VWA8: variants seen among roughly 807,000 people sequenced by gnomAD.
VWA8 encodes von Willebrand factor A domain-containing protein 8.
Under a neutral mutation model 241.5 loss-of-function variants are expected in VWA8, and 221 were observed. The ratio of observed to expected loss-of-function variants is 0.91; its 90% CI spans 0.82 to 1.02. The LOEUF (loss-of-function observed/expected upper bound fraction) is 1.02. VWA8 is among the 50% of genes least tolerant of loss of function. The pLI, the probability that VWA8 is intolerant of heterozygous loss-of-function variation, is 0.00. For synonymous variants in VWA8, 852 were observed against 827.1 expected, an observed-to-expected ratio of 1.03 and a Z score of -0.52; for missense variants, 2,322 against 2,328.7, an observed-to-expected ratio of 1.00 and a Z score of 0.06.
chr13:41,623,443 C>G (rs1224472979), intron 37 of VWA8, among the ~76,000 whole-genome samples: 1 of 152,144 alleles, frequency 6.6e-6, no homozygotes, highest in Non-Finnish European at 1.5e-5. Context: ...TTGGAGTCAA[C>G]TGCATGCAAA....
chr13:41,634,191 T>C (rs2044742736), intron 37 of VWA8, among the ~76,000 whole-genome samples: 1 of 152,178 alleles, frequency 6.6e-6, no homozygotes, highest in African/African-American at 2.4e-5. Context: ...CCCAGGGTCT[T>C]GGGCTGAGCT....
intron 2 of VWA8, among the ~76,000 whole-genome samples, chr13:41,947,941 AAAAAAAAAAAAACAAAAC>A (rs1381651968): frequency 6.8e-6 from 1 of 147,926 alleles, no homozygotes. Flanking sequence ...CAAAAAAAAA[AAAAAAAAAAAAACAAAAC>A]AAAACATTTT....
At chr13:41,755,733 T>C (rs1371478492) in intron 21 of VWA8, among the ~76,000 whole-genome samples, 4 of 151,872 alleles carry the variant, frequency 2.6e-5, no homozygotes, top group Non-Finnish European at 5.9e-5. Context: ...CATCTTCTTT[T>C]TGCCCAATGA....
In VWA8 at chr13:41,863,455, T is replaced by TCACA. The variant is rs150069827; in HGVS notation, c.1425+2277_1425+2280dup. Among the ~76,000 whole-genome samples the TCACA allele has an allele frequency of 3.1e-3, 273 of 86,998 alleles. 1 individual carries two copies. Among genetic ancestry groups the TCACA allele is most frequent in the Non-Finnish European group, 4.7e-3 (194 of 41,492 alleles). The allele number at this position is 86,998 out of a possible 152,430, so 57.1% of individuals were successfully genotyped here. ...TGTGTATATATATATATATATATATTCACACACACACACACACTATATATA... is the reference window on the plus strand; with the variant it reads ...TGTGTATATATATATATATATATATTCACACACACACACACACACACTATATATA... On this transcript the variant is annotated intron_variant, in intron 12 of 44. Transcript: ENST00000379310.
chr13:41,843,826 C>G (rs2138020180), intron 12 of VWA8, among the ~76,000 whole-genome samples: 1 of 152,168 alleles, frequency 6.6e-6, no homozygotes, highest in East Asian at 1.9e-4. Flanking sequence ...ATATCAAGTT[C>G]TGAAATTGAA....
At chr13:41,787,820 TA>T (rs1368459281) in intron 17 of VWA8, among the ~76,000 whole-genome samples, 3 of 152,136 alleles carry the variant, frequency 2.0e-5, no homozygotes, top group Non-Finnish European at 2.9e-5. Context: ...CTTTGCAAAA[TA>T]AAATTTAAAA....
chr13:41,926,993 T>C, intron 2 of VWA8: 1 of 460,364 alleles, frequency 2.2e-6, no homozygotes, highest in South Asian at 1.8e-5. Context: ...TAATGAGCGC[T>C]ATGGCAAATG....
Position 41,935,763 on chromosome 13 carries a change from G to GTT in VWA8, c.241+14171_241+14172dup, listed in dbSNP as rs1236352769. ...ATAAAGGTGCTTCAAATTGTTCGAG[G>GTT]TTTTTTTTTTTTTAACAATAGTGGT... is the stretch of plus-strand genomic sequence containing the variant. On this transcript the variant is annotated intron_variant, in intron 2 of 44. Coordinates refer to ENST00000379310, the MANE Select transcript of VWA8 (RefSeq NM_015058.2). 1.7e-3 allele frequency among the ~76,000 whole-genome samples: 247 copies of GTT among 143,524 alleles called. 2 individuals are homozygous for GTT. The highest frequency in any genetic ancestry group is 5.8e-3 in the African/African-American group (227 of 39,420). 94.2% of individuals were successfully genotyped at this position (143,524 alleles called of 152,430 possible).
At chr13:41,718,517 C>T (rs960016698) in intron 26 of VWA8, among the ~76,000 whole-genome samples, 15 of 151,878 alleles carry the variant, frequency 9.9e-5, no homozygotes, top group East Asian at 5.8e-4. Context: ...AACCAATGCA[C>T]GGATAATATA....
chr13:41,814,492 A>G (rs932991065), intron 16 of VWA8, among the ~76,000 whole-genome samples: 4 of 152,152 alleles, frequency 2.6e-5, no homozygotes, highest in African/African-American at 9.7e-5. Context: ...TAAGTGTGGG[A>G]AGAGCTGAGG....
intron 37 of VWA8, among the ~76,000 whole-genome samples, chr13:41,662,520 C>A (rs1350585300): frequency 1.4e-5 from 2 of 140,222 alleles, no homozygotes; most frequent in Admixed American, 1.4e-4. Flanking sequence ...AGAGTAGTTT[C>A]TTTTGCTTGT....
At chr13:41,818,536 G>A (rs1483088156) in intron 15 of VWA8, among the ~76,000 whole-genome samples, 2 of 151,956 alleles carry the variant, frequency 1.3e-5, no homozygotes, top group African/African-American at 2.4e-5. Flanking sequence ...CCACTCCAGC[G>A]TGGGCAATAG....
At chr13:41,588,875 AT>A (rs921110103) in intron 41 of VWA8, among the ~76,000 whole-genome samples, 1 of 152,210 alleles carries the variant, frequency 6.6e-6, no homozygotes, top group African/African-American at 2.4e-5. Context: ...AATTCAACAT[AT>A]TTCTTAAAAA....
Position 41,784,727 on chromosome 13 carries a change from T to TATATATATATATATATATAC in VWA8, c.2171-827_2171-826insGTATATATATATATATATAT, listed in dbSNP as rs1555335045. 1.6e-3 allele frequency among the ~76,000 whole-genome samples: 110 copies of TATATATATATATATATATAC among 68,878 alleles called. 6 individuals are homozygous for TATATATATATATATATATAC. The highest frequency in any genetic ancestry group is 2.7e-3 in the Non-Finnish European group (84 of 31,414). 45.2% of individuals were successfully genotyped at this position (68,878 alleles called of 152,430 possible). A position where few individuals can be genotyped will look rare whatever the true frequency, so the allele number is the denominator to read the frequency against. On this transcript the variant is annotated intron_variant, in intron 18 of 44. Transcript: ENST00000379310. ...ATATATATATATATATATATATATA[T>TATATATATATATATATATAC]ATACACACACATATATATATATATA... is the stretch of plus-strand genomic sequence containing the variant.
chr13:41,792,477 T>C (rs1367291488), intron 17 of VWA8, among the ~76,000 whole-genome samples: 1 of 152,006 alleles, frequency 6.6e-6, no homozygotes, highest in African/African-American at 2.4e-5. Flanking sequence ...AGTCTATTTG[T>C]TTTTCCCTGT....
At chr13:41,769,454 A>G (rs919590980) in intron 20 of VWA8, among the ~76,000 whole-genome samples, 2 of 152,252 alleles carry the variant, frequency 1.3e-5, no homozygotes, top group African/African-American at 4.8e-5. Context: ...TGGGTGATGA[A>G]TACAAGGGGG....
intron 40 of VWA8, among the ~76,000 whole-genome samples, chr13:41,596,449 G>A (rs1315146970): frequency 2.0e-5 from 3 of 152,146 alleles, no homozygotes; most frequent in Non-Finnish European, 2.9e-5. Flanking sequence ...GAGACTTAGT[G>A]AAATACTTCT....
Position 41,568,096 on chromosome 13 carries a change from C to A in VWA8, c.*101G>T. 1 of 971,710 alleles carries A rather than the reference C, an allele frequency of 1.0e-6. No homozygotes were observed. The highest frequency in any genetic ancestry group is 1.6e-6 in the Non-Finnish European group (1 of 623,916). The allele number at this position is 971,710 out of a possible 1,614,324, so 60.2% of individuals were successfully genotyped here. On this transcript the variant is annotated 3_prime_UTR_variant, in exon 45 of 45. Transcript: ENST00000379310. ...CAGGAATGCCGGAATCATCCAGTCA[C>A]TGCATGGGTTCACTTCATCCATATC...
Position 41,581,129 on chromosome 13 carries a change from T to C in VWA8, c.5272-5291A>G, listed in dbSNP as rs1188828467. 3.2e-5 allele frequency among the ~76,000 whole-genome samples: 4 copies of C among 126,496 alleles called. 1 individual carries two copies. The highest frequency in any genetic ancestry group is 6.2e-5 in the Non-Finnish European group (4 of 64,824). 83.0% of individuals were successfully genotyped at this position (126,496 alleles called of 152,430 possible). A position where few individuals can be genotyped will look rare whatever the true frequency, so the allele number is the denominator to read the frequency against. Reference sequence around the variant, plus strand: ...CATTCTCCTGCCTCAGCCTCCGGAGTAGCTGGGACTACAGGCGCCCGCCAC... The same window carrying C: ...CATTCTCCTGCCTCAGCCTCCGGAGCAGCTGGGACTACAGGCGCCCGCCAC... On this transcript the variant is annotated intron_variant, in intron 42 of 44. Coordinates refer to ENST00000379310, the MANE Select transcript of VWA8 (RefSeq NM_015058.2).
Sources: gnomAD v4.1 joint callset for allele counts (sites outside exome capture counted in the v4.1 genomes callset) on GRCh38, gnomAD v4.1.1 for gene constraint, MANE v1.5 for transcripts, NCBI Gene and HGNC (gene_info 2026-07-23, HGNC 2026-07-21) for gene names.